MRPS21: variants seen among roughly 807,000 people sequenced by gnomAD.
MRPS21 encodes the protein small ribosomal subunit protein bS21m.
In MRPS21, 8 loss-of-function variants were observed where a neutral mutation model predicts 9.9. That is an observed-to-expected ratio of 0.81 (90% CI 0.47 to 1.45). The LOEUF is 1.45. MRPS21 is among the 40% of genes most tolerant of loss of function. The pLI, the probability that MRPS21 is intolerant of heterozygous loss-of-function variation, is 0.00. For missense variants in MRPS21, 101 were observed against 118.9 expected, an observed-to-expected ratio of 0.85 and a Z score of 0.70; for synonymous variants, 40 against 40.3, an observed-to-expected ratio of 0.99 and a Z score of 0.03.
chr1:150,307,831 C>T (rs1654398841), intron 2 of MRPS21, among the ~76,000 whole-genome samples: 1 of 152,130 alleles, frequency 6.6e-6, no homozygotes, highest in Non-Finnish European at 1.5e-5. Flanking sequence ...TCACCTTGGG[C>T]TCCCAGGGTG....
intron 2 of MRPS21, among the ~76,000 whole-genome samples, chr1:150,305,745 C>T (rs1398186928): frequency 6.6e-6 from 1 of 152,150 alleles, no homozygotes; most frequent in Non-Finnish European, 1.5e-5. Context: ...CAGGTGGGCA[C>T]CACCATGCCC....
At chr1:150,304,431 CTG>C (rs587741237) in intron 2 of MRPS21, among the ~76,000 whole-genome samples, 80 of 152,160 alleles carry the variant, frequency 5.3e-4, no homozygotes, top group African/African-American at 1.7e-3. Flanking sequence ...GAATCAGAAA[CTG>C]TGGCACAGCA....
rs1654411652 is a variant in MRPS21, at chr1:150,308,097, T to TA, written c.134dup (p.Tyr45Ter). Reference protein sequence around the residue: ...LIEDIKHRRYYEKPCCRRQRE... With the variant: ...LIEDIKHRRY Reference sequence around the variant, plus strand: ...TGAGGACATTAAGCATCGGCGGTATTATGAGAAGCCATGCTGCCGGCGACA... The same window carrying TA: ...TGAGGACATTAAGCATCGGCGGTATTAATGAGAAGCCATGCTGCCGGCGACA... Residue 45 changes from tyrosine to a stop codon, truncating the protein, a stop_gained and frameshift_variant, in exon 3 of 3, where the codon TAT (tyrosine) becomes TAAT (stop). Transcript: ENST00000614145. LOFTEE classifies it high-confidence loss of function. 6.2e-7 allele frequency: 1 copy of TA among 1,605,004 alleles called. No homozygotes were observed. The highest frequency in any genetic ancestry group is 8.5e-7 in the Non-Finnish European group (1 of 1,172,366).
At chr1:150,296,101 A>T (rs1653907341) in intron 2 of MRPS21, among the ~76,000 whole-genome samples, 1 of 152,094 alleles carries the variant, frequency 6.6e-6, no homozygotes, top group East Asian at 1.9e-4. Context: ...ACAGGTGCCC[A>T]CCACCACGCC....
At chr1:150,298,261 C>T (rs1403813399) in intron 2 of MRPS21, among the ~76,000 whole-genome samples, 1 of 152,116 alleles carries the variant, frequency 6.6e-6, no homozygotes, top group Admixed American at 6.6e-5. Context: ...AGGTAACATC[C>T]AGACCCTGCA....
At chr1:150,299,207 T>C (rs191281430) in intron 2 of MRPS21, among the ~76,000 whole-genome samples, 13 of 152,188 alleles carry the variant, frequency 8.5e-5, no homozygotes, top group Admixed American at 2.0e-4. Context: ...CACCTAAAAT[T>C]TGAAACAGAA....
rs782239435 is a variant in MRPS21 at position 150,294,429 on chromosome 1, C to T, written c.63C>T (p.Ser21=). The change falls in exon 2 of 3, where the codon AGC becomes AGT. Residue 21 remains serine, a synonymous_variant. Transcript: ENST00000614145. ...TGGTACAGGAAGGGAACGTGGAAAG[C>T]GCATACAGGACCCTAAACAGGTAAC... ...TVMVQEGNVE[S]AYRTLNRILT... 32 of 1,613,374 alleles carry T rather than the reference C, an allele frequency of 2.0e-5. No individual in the cohort carries two copies. Among genetic ancestry groups the T allele is most frequent in the Non-Finnish European group, 2.5e-5 (29 of 1,179,528 alleles).
intron 2 of MRPS21, among the ~76,000 whole-genome samples, chr1:150,300,950 C>T (rs1460205747): frequency 6.6e-6 from 1 of 152,064 alleles, no homozygotes; most frequent in Non-Finnish European, 1.5e-5. Flanking sequence ...GTAAGCTCAG[C>T]ACTTTGGGAG....
At chr1:150,297,248 G>T (rs1560062255) in intron 2 of MRPS21, among the ~76,000 whole-genome samples, 1 of 150,186 alleles carries the variant, frequency 6.7e-6, no homozygotes, top group Non-Finnish European at 1.5e-5. Context: ...CCGAGAGCGT[G>T]CCACTACACT....
intron 2 of MRPS21, chr1:150,303,996 A>G: frequency 2.2e-6 from 1 of 447,364 alleles, no homozygotes; most frequent in Non-Finnish European, 4.5e-6. Flanking sequence ...GTTCAATGTA[A>G]TACTGTTTGA....
chr1:150,297,814 TTC>T (rs1308823484), intron 2 of MRPS21, among the ~76,000 whole-genome samples: 3 of 152,222 alleles, frequency 2.0e-5, no homozygotes, highest in East Asian at 1.9e-4. Flanking sequence ...TGTTTCATTT[TTC>T]TCTGTTTCTC....
chr1:150,294,414 A>C lies in MRPS21; in HGVS notation c.48A>C (p.Glu16Asp). The change falls in exon 2 of 3, where the codon GAA becomes GAC. Residue 16 changes from glutamate (E) to aspartate (D), a missense_variant. By Grantham distance (45) the Glu-to-Asp change is conservative. Coordinates refer to ENST00000614145, the MANE Select transcript of MRPS21 (RefSeq NM_031901.6). Reference protein sequence around the residue: ...KFIARTVMVQEGNVESAYRTL... With the variant: ...KFIARTVMVQDGNVESAYRTL... ...TCGCCAGGACTGTGATGGTACAGGA[A>C]GGGAACGTGGAAAGCGCATACAGGA... is the stretch of plus-strand genomic sequence containing the variant. 1.2e-6 allele frequency: 2 copies of C among 1,613,832 alleles called. No homozygotes were observed. Among genetic ancestry groups the C allele is most frequent in the South Asian group, 2.2e-5 (2 of 91,076 alleles).
intron 2 of MRPS21, among the ~76,000 whole-genome samples, chr1:150,300,965 AG>A (rs2101907207): frequency 6.6e-6 from 1 of 152,236 alleles, no homozygotes; most frequent in Admixed American, 6.5e-5. Flanking sequence ...TGGGAGGCCG[AG>A]GCGGGTGGAT....
At chr1:150,295,717 G>C (rs1553856437) in intron 2 of MRPS21, among the ~76,000 whole-genome samples, 1 of 152,026 alleles carries the variant, frequency 6.6e-6, no homozygotes, top group African/African-American at 2.4e-5. Context: ...GGGGAGGATT[G>C]CTTGTTGCCA....
intron 2 of MRPS21, among the ~76,000 whole-genome samples, chr1:150,297,944 T>TG (rs1358365031): frequency 6.6e-6 from 1 of 151,738 alleles, no homozygotes; most frequent in East Asian, 1.9e-4. Context: ...TGAACTTTTT[T>TG]TTTTTTGAGA....
At position 150,303,779 on chromosome 1, in the gene MRPS21, ACT is replaced by A; in HGVS notation, c.84-4268_84-4267del. ...AATATGCCATCGTAGTAAAGGTAAT[ACT>A]ATTGAGGCTTTCTGAGCTATATCCC... On this transcript the variant is annotated intron_variant, in intron 2 of 2. Coordinates refer to ENST00000614145, the MANE Select transcript of MRPS21 (RefSeq NM_031901.6). 5 of 385,848 alleles carry A rather than the reference ACT, an allele frequency of 1.3e-5. No individual in the cohort carries two copies. In the East Asian group the frequency reaches 3.0e-4, roughly 24 times the overall value. The allele number at this position is 385,848 out of a possible 1,614,324, so 23.9% of individuals were successfully genotyped here.
intron 2 of MRPS21, among the ~76,000 whole-genome samples, chr1:150,307,601 G>A (rs1461459759): frequency 2.0e-5 from 3 of 151,606 alleles, no homozygotes; most frequent in Admixed American, 2.0e-4. Context: ...TTTTGAGACA[G>A]GGTCTTATTC....
In MRPS21 at chr1:150,308,481, C is replaced by A; in HGVS notation, c.*253C>A. On this transcript the variant is annotated 3_prime_UTR_variant, in exon 3 of 3. Coordinates refer to ENST00000614145, the MANE Select transcript of MRPS21 (RefSeq NM_031901.6). ...ATTTGCCAGGGACTGGAGGAGGGGG[C>A]AGTGAGGAGTTATTGTTTAATGGGT... 2.8e-6 allele frequency: 1 copy of A among 356,106 alleles called. No individual in the cohort carries two copies. 22.1% of individuals were successfully genotyped at this position (356,106 alleles called of 1,614,324 possible). A position where few individuals can be genotyped will look rare whatever the true frequency, so the allele number is the denominator to read the frequency against.
intron 2 of MRPS21, among the ~76,000 whole-genome samples, chr1:150,300,875 T>G (rs1431463256): frequency 5.9e-5 from 9 of 152,120 alleles, no homozygotes; most frequent in African/African-American, 2.2e-4. Context: ...TATATTCTTT[T>G]CTTTTTAAGA....
Sources: gnomAD v4.1 joint callset for allele counts (sites outside exome capture counted in the v4.1 genomes callset) on GRCh38, gnomAD v4.1.1 for gene constraint, MANE v1.5 for transcripts, NCBI Gene and HGNC (gene_info 2026-07-23, HGNC 2026-07-21) for gene names.